Variants in NWD2 observed in about 807,000 individuals in gnomAD.
NWD2 encodes NACHT and WD repeat domain-containing protein 2.
Under a neutral mutation model 132.7 loss-of-function variants are expected in NWD2, and 37 were observed. That is an observed-to-expected ratio of 0.28 (90% CI 0.21 to 0.37). The LOEUF (loss-of-function observed/expected upper bound fraction) is 0.37, where lower values mean the gene tolerates loss of function less well. Among genes scored for constraint, NWD2 ranks in the 10% least tolerant of loss-of-function variants. The pLI, the probability that NWD2 is intolerant of heterozygous loss-of-function variation, is 1.00. For synonymous variants in NWD2, 705 were observed against 803.0 expected, an observed-to-expected ratio of 0.88 and a Z score of 2.06; for missense variants, 1,592 against 2,122.4, an observed-to-expected ratio of 0.75 and a Z score of 4.91.
At chr4:37,274,499 G>T (rs552377161) in intron 1 of NWD2, among the ~76,000 whole-genome samples, 1 of 152,014 alleles carries the variant, frequency 6.6e-6, no homozygotes, top group Admixed American at 6.6e-5. Context: ...TTCTACCAGC[G>T]GTACAAGAAG....
chr4:37,389,783 G>C (rs76144307), intron 3 of NWD2, among the ~76,000 whole-genome samples: 5,483 of 113,644 alleles, frequency 0.048, 113 homozygotes, highest in Middle Eastern at 0.081. Context: ...CAAATCATAC[G>C]CATTTTTTTT....
At chr4:37,404,735 G>A (rs745306463) in intron 3 of NWD2, among the ~76,000 whole-genome samples, 9 of 152,178 alleles carry the variant, frequency 5.9e-5, no homozygotes, top group African/African-American at 1.9e-4. Flanking sequence ...GGCGACATCC[G>A]CTCAGCTTCT....
Position 37,273,426 on chromosome 4 carries a change from T to C in NWD2, c.151+28208T>C, listed in dbSNP as rs142125929. 6.0e-3 allele frequency among the ~76,000 whole-genome samples: 914 copies of C among 152,158 alleles called. 10 individuals carry two copies. The highest frequency in any genetic ancestry group is 0.021 in the African/African-American group (886 of 41,518). On this transcript the variant is annotated intron_variant, in intron 1 of 6. Coordinates refer to ENST00000309447, the MANE Select transcript of NWD2 (RefSeq NM_001144990.2). The stretch of plus-strand genomic sequence containing the variant: ...CCCAATACAGGAGCACCCAGATTCA[T>C]AAAGCAAGTCCTTAGAGACCTACAA...
chr4:37,332,114 G>T (rs944659760), intron 2 of NWD2, among the ~76,000 whole-genome samples: 1 of 152,176 alleles, frequency 6.6e-6, no homozygotes, highest in African/African-American at 2.4e-5. Flanking sequence ...AGGCCACGAG[G>T]ATTCCAACTA....
intron 1 of NWD2, among the ~76,000 whole-genome samples, chr4:37,299,097 T>G (rs1026684522): frequency 6.6e-6 from 1 of 152,166 alleles, no homozygotes; most frequent in African/African-American, 2.4e-5. Context: ...GCATTCCTCC[T>G]TTTCCTACTG....
intron 1 of NWD2, among the ~76,000 whole-genome samples, chr4:37,266,055 G>A (rs114938076): frequency 2.8e-4 from 42 of 151,988 alleles, no homozygotes; most frequent in African/African-American, 8.7e-4. Context: ...TCTGGCTACC[G>A]TCCTGCCCTT....
intron 1 of NWD2, among the ~76,000 whole-genome samples, chr4:37,316,581 TCTC>T (rs1240670831): frequency 7.9e-5 from 12 of 152,146 alleles, no homozygotes; most frequent in African/African-American, 2.9e-4. Flanking sequence ...CCCTTTATCT[TCTC>T]CTTCTGGGAC....
At chr4:37,367,886 T>C (rs936929517) in intron 3 of NWD2, among the ~76,000 whole-genome samples, 1 of 152,172 alleles carries the variant, frequency 6.6e-6, no homozygotes, top group Non-Finnish European at 1.5e-5. Flanking sequence ...CTAAGTCTCT[T>C]TAATCCAAAG....
chr4:37,265,539 T>C (rs2109260922), intron 1 of NWD2, among the ~76,000 whole-genome samples: 1 of 152,208 alleles, frequency 6.6e-6, no homozygotes, highest in South Asian at 2.1e-4. Flanking sequence ...AGAGAACCTG[T>C]CTCCTTGCCT....
intron 1 of NWD2, among the ~76,000 whole-genome samples, chr4:37,262,529 A>G (rs1717660755): frequency 6.6e-6 from 1 of 152,160 alleles, no homozygotes; most frequent in Non-Finnish European, 1.5e-5. Context: ...ACTGGGATGT[A>G]CATTTTCTAG....
intron 1 of NWD2, among the ~76,000 whole-genome samples, chr4:37,270,368 G>A (rs1717843096): frequency 6.6e-6 from 1 of 151,574 alleles, no homozygotes; most frequent in Non-Finnish European, 1.5e-5. Flanking sequence ...TTGCAAAGTG[G>A]TGAGGCTATT....
intron 1 of NWD2, among the ~76,000 whole-genome samples, chr4:37,274,104 G>C (rs372356677): frequency 2.6e-5 from 4 of 151,886 alleles, no homozygotes; most frequent in South Asian, 4.2e-4. Flanking sequence ...AGGAGATAGA[G>C]ACACAAAAAA....
chr4:37,401,353 A>G (rs967579913), intron 3 of NWD2, among the ~76,000 whole-genome samples: 19 of 152,150 alleles, frequency 1.2e-4, no homozygotes, highest in Admixed American at 1.1e-3. Flanking sequence ...CTCCAGAGAT[A>G]CCACCTTGAT....
rs189761286 is a variant in NWD2 at position 37,440,762 on chromosome 4, G to A, written c.1296+1372G>A. 2.0e-3 allele frequency among the ~76,000 whole-genome samples: 304 copies of A among 152,244 alleles called. 2 individuals are homozygous for A. The Middle Eastern group carries it at 0.027, about 14-fold the overall frequency. ...CATGATGGTCTGGAACCTCACTTTG[G>A]AATGTGGTATCTGCTGAGTTGGCTC... On this transcript the variant is annotated intron_variant, in intron 6 of 6. Coordinates refer to ENST00000309447, the MANE Select transcript of NWD2 (RefSeq NM_001144990.2).
Position 37,446,371 on chromosome 4 carries a change from A to C in NWD2, c.4383A>C (p.Ala1461=). The change falls in exon 7 of 7, where the codon GCA becomes GCC. Residue 1461 remains alanine, a synonymous_variant. Coordinates refer to ENST00000309447, the MANE Select transcript of NWD2 (RefSeq NM_001144990.2). The surrounding 1 kb of genome is among the most constrained non-coding windows in gnomAD (Gnocchi z 6.7). ...GAATGACTAAAAGCAAAGTGTTGGC[A>C]GTCAGTCTTTGGACAGGAAGTATCA... ...VVGMTKSKVL[A]VSLWTGSITK... 6.4e-7 allele frequency: 1 copy of C among 1,551,900 alleles called. No individual in the cohort carries two copies. Among genetic ancestry groups the C allele is most frequent in the Non-Finnish European group, 8.7e-7 (1 of 1,147,054 alleles).
intron 1 of NWD2, among the ~76,000 whole-genome samples, chr4:37,267,417 G>T (rs1245284871): frequency 1.3e-5 from 2 of 151,960 alleles, no homozygotes; most frequent in Non-Finnish European, 1.5e-5. Context: ...AACAGGGCCA[G>T]CCCTGATCAT....
In NWD2 at chr4:37,443,490, A is replaced by G. The variant is rs867395346; in HGVS notation, c.1502A>G (p.Asn501Ser). 1 of 1,552,096 alleles carries G rather than the reference A, an allele frequency of 6.4e-7. No individual in the cohort carries two copies. Among genetic ancestry groups the G allele is most frequent in the Middle Eastern group, 1.7e-4 (1 of 5,996 alleles). The change falls in exon 7 of 7, where the codon AAT (asparagine) becomes AGT (serine). Residue 501 changes from asparagine to serine, a missense_variant. This residue lies in a region of NWD2 where 1,071 missense variants were observed against 1,398.0 expected (regional missense o/e 0.77). Coordinates refer to ENST00000309447, the MANE Select transcript of NWD2 (RefSeq NM_001144990.2). The surrounding 1 kb of genome is among the most constrained non-coding windows in gnomAD (Gnocchi z 4.1). ...DLCDLFINLL[N>S]ESSLQRPLVI... Reference sequence around the variant, plus strand: ...TGTGACTTATTTATAAATCTTTTGAATGAGTCTTCACTGCAGAGACCTCTA... The same window carrying G: ...TGTGACTTATTTATAAATCTTTTGAGTGAGTCTTCACTGCAGAGACCTCTA...
intron 2 of NWD2, among the ~76,000 whole-genome samples, chr4:37,343,067 A>G (rs1482253735): frequency 1.3e-5 from 2 of 152,184 alleles, no homozygotes; most frequent in East Asian, 3.8e-4. Context: ...TTTCCTTGAG[A>G]TATTTGCATC....
chr4:37,270,302 T>A (rs1717842171), intron 1 of NWD2, among the ~76,000 whole-genome samples: 1 of 151,850 alleles, frequency 6.6e-6, no homozygotes, highest in Non-Finnish European at 1.5e-5. Flanking sequence ...TATTTAAAAA[T>A]TAATTTTTGA....
Sources: allele counts gnomAD v4.1 joint callset (sites outside exome capture counted in the v4.1 genomes callset), GRCh38; gene constraint gnomAD v4.1.1; regional missense constraint gnomAD v4.1.1; non-coding constraint Gnocchi (gnomAD v3.1); transcripts MANE v1.5; gene names NCBI Gene and HGNC (gene_info 2026-07-23, HGNC 2026-07-21).